PHGDH: variants seen among roughly 807,000 people sequenced by gnomAD.
The protein encoded by PHGDH is phosphoglycerate dehydrogenase.
In PHGDH, 50 loss-of-function variants were observed where a neutral mutation model predicts 52.6. The ratio of observed to expected loss-of-function variants is 0.95; its 90% confidence interval spans 0.76 to 1.20. PHGDH has a LOEUF of 1.20. Ranked by LOEUF, PHGDH falls within the 50% of genes most tolerant of loss-of-function variation. The probability of loss-of-function intolerance (pLI) is 0.00; values close to 1 mark genes in which losing one functional copy is unlikely to be tolerated. For synonymous variants in PHGDH, 271 were observed against 280.5 expected (o/e 0.97, Z 0.34); for missense variants, 630 against 684.6 (o/e 0.92, Z 0.89).
chr1:119,732,058 A>G (rs908451181), intron 5 of PHGDH, among the ~76,000 whole-genome samples: 2 of 152,236 alleles, frequency 1.3e-5, no homozygotes, highest in Non-Finnish European at 2.9e-5. Flanking sequence ...GTCTCTGTTT[A>G]AGATTTCATT....
At chr1:119,734,543 G>C (rs1386048722) in intron 5 of PHGDH, 91 bp from the exon 6 acceptor site, 1 of 1,244,836 alleles carries the variant, frequency 8.0e-7, no homozygotes, top group Non-Finnish European at 1.2e-6. Flanking sequence ...TTAGTATATG[G>C]TAAATGCTCA....
At chr1:119,729,833 G>T (rs1651612424) in intron 5 of PHGDH, 1 of 152,216 alleles carries the variant, frequency 6.6e-6, no homozygotes, top group Non-Finnish European at 1.5e-5. Flanking sequence ...CCCACTGAAT[G>T]TTTTATTCCC....
At chr1:119,712,781 G>C (rs1402941934) in intron 1 of PHGDH, among the ~76,000 whole-genome samples, 7 of 152,182 alleles carry the variant, frequency 4.6e-5, no homozygotes, top group Admixed American at 6.5e-5. Flanking sequence ...CAGCAAACAC[G>C]TACCCGCCCC....
At chr1:119,740,611 T>A in intron 9 of PHGDH, 93 bp downstream of exon 9, 1 of 1,138,606 alleles carries the variant, frequency 8.8e-7, no homozygotes, top group African/African-American at 1.5e-5. Flanking sequence ...GACACAGGGT[T>A]AGTGAGAGGC....
rs763115227 is a variant in PHGDH, at chr1:119,740,411, C to T, written c.971C>T (p.Ala324Val). 3.6e-5 allele frequency: 58 copies of T among 1,614,084 alleles called. No individual in the cohort carries two copies. The highest frequency in any genetic ancestry group is 1.7e-4 in the Middle Eastern group (1 of 6,058). ...GTGAATGCCCAGGCCCTTACCAGTGCCTTCTCTCCACACACCAAGCCTTGG... is the reference window on the plus strand; with the variant it reads ...GTGAATGCCCAGGCCCTTACCAGTGTCTTCTCTCCACACACCAAGCCTTGG... ...GVVNAQALTSAFSPHTKPWIG... is the reference protein window; with the variant it reads ...GVVNAQALTSVFSPHTKPWIG... The change falls in exon 9 of 12, where the codon GCC becomes GTC. Residue 324 changes from alanine (A) to valine (V), a missense_variant. Transcript: ENST00000641023.
chr1:119,741,416 G>T (rs1239394935), intron 9 of PHGDH, among the ~76,000 whole-genome samples: 10 of 152,218 alleles, frequency 6.6e-5, no homozygotes, highest in Admixed American at 6.5e-4. Context: ...AAGGCTCTGA[G>T]TGCCAGGAAG....
At chr1:119,736,407 A>T (rs1651934837) in intron 7 of PHGDH, among the ~76,000 whole-genome samples, 1 of 152,198 alleles carries the variant, frequency 6.6e-6, no homozygotes, top group Non-Finnish European at 1.5e-5. Flanking sequence ...TTACATGGTT[A>T]CATGTGGCCA....
At chr1:119,738,940 T>C (rs1652064336) in intron 8 of PHGDH, among the ~76,000 whole-genome samples, 1 of 152,196 alleles carries the variant, frequency 6.6e-6, no homozygotes, top group Non-Finnish European at 1.5e-5. Flanking sequence ...TCAAAATAAC[T>C]ACCCTTAGCA....
In PHGDH at chr1:119,740,541, G is replaced by T. The variant is rs778049653; in HGVS notation, c.1078+23G>T. Reference sequence around the variant, plus strand: ...AGGGTGAGCTGGGGACCTTGCAGAGGGAGGGGGAGGAGGGGATGAGGGAGT... The same window carrying T: ...AGGGTGAGCTGGGGACCTTGCAGAGTGAGGGGGAGGAGGGGATGAGGGAGT... On this transcript the variant is annotated intron_variant, in intron 9 of 11. Coordinates refer to ENST00000641023, the MANE Select transcript of PHGDH (RefSeq NM_006623.4). 1.3e-6 allele frequency: 2 copies of T among 1,539,642 alleles called. No individual in the cohort carries two copies. Among genetic ancestry groups the T allele is most frequent in the Non-Finnish European group, 1.8e-6 (2 of 1,135,406 alleles).
chr1:119,730,472 T>C (rs369426620), intron 5 of PHGDH, among the ~76,000 whole-genome samples: 38 of 152,384 alleles, frequency 2.5e-4, no homozygotes, highest in Admixed American at 1.2e-3. Context: ...TAGCATGTCA[T>C]CCGAGACTTT....
At chr1:119,713,641 G>A (rs1435243172) in intron 1 of PHGDH, among the ~76,000 whole-genome samples, 2 of 152,202 alleles carry the variant, frequency 1.3e-5, no homozygotes, top group African/African-American at 4.8e-5. Context: ...GACTTGAGTA[G>A]GATTGGACGG....
chr1:119,717,287 T>C (rs1233806735), intron 1 of PHGDH, among the ~76,000 whole-genome samples: 1 of 147,482 alleles, frequency 6.8e-6, no homozygotes, highest in Non-Finnish European at 1.5e-5. Context: ...TTCTATCACT[T>C]TTGGTGATGA....
intron 5 of PHGDH, among the ~76,000 whole-genome samples, chr1:119,730,498 A>G (rs587602278): frequency 1.3e-5 from 2 of 152,350 alleles, no homozygotes; most frequent in Admixed American, 1.3e-4. Context: ...GCATTTGCAC[A>G]GAATGCATAC....
chr1:119,742,427 C>G (rs1203999407), intron 10 of PHGDH: 6 of 425,512 alleles, frequency 1.4e-5, no homozygotes, highest in African/African-American at 2.0e-5. Flanking sequence ...CCTCACCCCT[C>G]TGCTCCCCTC....
rs1466571457 is a variant in PHGDH, at chr1:119,744,199, AAAGAG to A, written c.*160_*164del. Reference sequence around the variant, plus strand: ...TGTAGTACAGCAATAACCGTCTAATAAAGAGCCTACCCCCAACTCCTTCTGCACTT... The same window carrying A: ...TGTAGTACAGCAATAACCGTCTAATACCTACCCCCAACTCCTTCTGCACTT... On this transcript the variant is annotated 3_prime_UTR_variant, in exon 12 of 12. Coordinates refer to ENST00000641023, the MANE Select transcript of PHGDH (RefSeq NM_006623.4). The A allele has an allele frequency of 4.2e-6, 3 of 721,936 alleles. No homozygotes were observed. The Admixed American group carries it at 6.2e-5, about 15-fold the overall frequency. The allele number at this position is 721,936 out of a possible 1,614,324, so 44.7% of individuals were successfully genotyped here.
At chr1:119,742,747 G>C in intron 10 of PHGDH, 60 bp from the exon 11 acceptor site, 1 of 1,027,070 alleles carries the variant, frequency 9.7e-7, no homozygotes, top group Non-Finnish European at 1.5e-6. Flanking sequence ...TTGGCCAAGA[G>C]AGGAGGGTGG....
intron 3 of PHGDH, among the ~76,000 whole-genome samples, chr1:119,724,127 G>T (rs1204096024): frequency 1.3e-5 from 2 of 152,122 alleles, no homozygotes; most frequent in Non-Finnish European, 2.9e-5. Context: ...CAGTGTGTTG[G>T]TTAGTAATTT....
rs199611972 is a variant in PHGDH, at chr1:119,741,901, C to T, written c.1209+4C>T. 19 of 1,612,006 alleles carry T rather than the reference C, an allele frequency of 1.2e-5. No homozygotes were observed. Among genetic ancestry groups the T allele is most frequent in the East Asian group, 1.1e-4 (5 of 44,876 alleles). ...GGTGAAAGAGGCTGGCCTCAATGTG[C>T]GCCCCTCTCCCCCACGCTGCCTCCC... On this transcript the variant is annotated splice_donor_region_variant and intron_variant, in intron 10 of 11. Coordinates refer to ENST00000641023, the MANE Select transcript of PHGDH (RefSeq NM_006623.4).
intron 5 of PHGDH, among the ~76,000 whole-genome samples, chr1:119,732,281 G>T (rs1651728433): frequency 1.3e-5 from 2 of 152,226 alleles, no homozygotes; most frequent in African/African-American, 4.8e-5. Context: ...GCCACCAGCT[G>T]CCCTGGAGTC....
Sources: allele counts gnomAD v4.1 joint callset (sites outside exome capture counted in the v4.1 genomes callset), GRCh38; gene constraint gnomAD v4.1.1; transcripts MANE v1.5; gene names NCBI Gene and HGNC (gene_info 2026-07-23, HGNC 2026-07-21).